INTS11: variants seen among roughly 807,000 people sequenced by gnomAD.
The protein encoded by INTS11 is integrator complex subunit 11.
Under a neutral mutation model 78.6 loss-of-function variants are expected in INTS11, and 77 were observed. The ratio of observed to expected loss-of-function variants is 0.98; its 90% CI spans 0.81 to 1.18. The LOEUF (loss-of-function observed/expected upper bound fraction) is 1.18, where lower values mean the gene tolerates loss of function less well. Among genes scored for constraint, INTS11 ranks in the 50% most tolerant of loss-of-function variants. The probability of loss-of-function intolerance (pLI) is 0.00; values close to 1 mark genes in which losing one functional copy is unlikely to be tolerated. For missense variants in INTS11, 875 were observed against 825.9 expected (o/e 1.06, Z -0.73); for synonymous variants, 441 against 326.9 (o/e 1.35, Z -3.77).
At chr1:1,323,121 G>GGGTGTTCACAGCAC in intron 1 of INTS11, 1 of 1,544,988 alleles carries the variant, frequency 6.5e-7, no homozygotes, top group Non-Finnish European at 8.7e-7. Context: ...CACAGGCCAG[G>GGGTGTTCACAGCAC]GGTGTTCACA....
chr1:1,313,742 G>A lies in INTS11; in HGVS notation c.947C>T (p.Pro316Leu). 6.2e-7 allele frequency: 1 copy of A among 1,612,986 alleles called. No homozygotes were observed. ...KAFDRAFADN[P>L]GPMVVFATPG... ...TGCCGCGGGCCTCACCATCGGTCCT[G>A]GGTTGTCAGCAAAAGCCCGGTCGAA... The change falls in exon 9 of 17, where the codon CCA becomes CTA. Residue 316 changes from proline (P) to leucine (L), a missense_variant. Pro to Leu is a moderately conservative substitution (Grantham distance 98). Coordinates refer to ENST00000435064, the MANE Select transcript of INTS11 (RefSeq NM_017871.6).
intron 6 of INTS11, 117 bp from the exon 7 acceptor site, chr1:1,315,079 T>TCTTTCCAGCCAGA: frequency 7.7e-7 from 1 of 1,306,446 alleles, no homozygotes; most frequent in Non-Finnish European, 1.1e-6. Flanking sequence ...TCACTCTGGC[T>TCTTTCCAGCCAGA]GGAAAGAGCC....
Position 1,324,576 on chromosome 1 carries a change from C to T in INTS11, c.28+5G>A, listed in dbSNP as rs1164321473. The T allele has an allele frequency of 6.3e-7, 1 of 1,591,284 alleles. No homozygotes were observed. The highest frequency in any genetic ancestry group is 8.5e-7 in the Non-Finnish European group (1 of 1,171,140). ...CCCACAGCCCTCCCGGCGGCTCCCACTCACCCAAGGGCGTGACTCTGATCT... is the reference window on the plus strand; with the variant it reads ...CCCACAGCCCTCCCGGCGGCTCCCATTCACCCAAGGGCGTGACTCTGATCT... On this transcript the variant is annotated splice_donor_5th_base_variant and intron_variant, in intron 1 of 16. Coordinates refer to ENST00000435064, the MANE Select transcript of INTS11 (RefSeq NM_017871.6).
At chr1:1,321,437 C>A (rs1642941239) in intron 1 of INTS11, among the ~76,000 whole-genome samples, 2 of 152,256 alleles carry the variant, frequency 1.3e-5, no homozygotes, top group South Asian at 4.1e-4. Flanking sequence ...GGGGCCAACA[C>A]CTCGGTCAGA....
At position 1,321,030 on chromosome 1, in the gene INTS11, A is replaced by G. The variant is rs1201212657; in HGVS notation, c.92T>C (p.Leu31Pro). 6 of 1,613,142 alleles carry G rather than the reference A, an allele frequency of 3.7e-6. No homozygotes were observed. In the South Asian group the frequency reaches 5.5e-5, roughly 15 times the overall value. The part of the protein sequence containing the change: ...LVSIAGKNVM[L>P]DCGMHMGFND... ...GAAGCCCATGTGCATTCCACAGTCC[A>G]GCATGACATTCTTGCCCGCAATGGA... Residue 31 changes from leucine (L) to proline (P), a missense_variant, in exon 2 of 17, where the codon CTG (leucine) becomes CCG (proline). Transcript: ENST00000435064.
At chr1:1,323,239 C>A (rs1557645646) in intron 1 of INTS11, 2 of 1,550,106 alleles carry the variant, frequency 1.3e-6, no homozygotes, top group Non-Finnish European at 1.7e-6. Context: ...TGCCCTCGAC[C>A]CCCTGCCCGG....
rs772577237 is a variant in INTS11, at chr1:1,311,880, G to A, written c.1782C>T (p.Gly594=). The A allele has an allele frequency of 1.9e-5, 29 of 1,564,448 alleles. No homozygotes were observed. The East Asian group carries it at 6.1e-4, about 33-fold the overall frequency. ...GGCCTCAGCTGGGGGCCTGGGGGAG[G>A]CCCTTCTTCAGCAGAGATGTGAGGA... ...GSFLTSLLKK[G]LPQAPS Residue 594 remains glycine (G), a synonymous_variant, in exon 17 of 17, where the codon GGC becomes GGT. Transcript: ENST00000435064.
chr1:1,317,228 TA>T (rs1452221458), intron 4 of INTS11: 3 of 149,250 alleles, frequency 2.0e-5, no homozygotes, highest in Non-Finnish European at 3.0e-5. Flanking sequence ...CCGTCTCTAC[TA>T]AAAAAAAATA....
At chr1:1,317,862 A>C (rs1642709948) in intron 4 of INTS11, 1 of 152,152 alleles carries the variant, frequency 6.6e-6, no homozygotes, top group Non-Finnish European at 1.5e-5. Flanking sequence ...GCAGGCAAAT[A>C]AATTTTTTTT....
intron 8 of INTS11, 46 bp from the exon 9 acceptor site, chr1:1,313,967 G>A: frequency 1.3e-6 from 2 of 1,580,926 alleles, no homozygotes; most frequent in Non-Finnish European, 8.6e-7. Flanking sequence ...AGGGGAGAAT[G>A]CTGCAGGGCA....
chr1:1,319,124 G>C, intron 4 of INTS11, 172 bp downstream of exon 4: 1 of 787,862 alleles, frequency 1.3e-6, no homozygotes, highest in Non-Finnish European at 2.3e-6. Flanking sequence ...TCTGGGACCC[G>C]CATCCTCGCG....
chr1:1,321,369 A>G (rs1642937083), intron 1 of INTS11, among the ~76,000 whole-genome samples: 1 of 152,176 alleles, frequency 6.6e-6, no homozygotes, highest in Non-Finnish European at 1.5e-5. Flanking sequence ...CCTGCTGGCT[A>G]AGTAGTGGGC....
Position 1,314,475 on chromosome 1 carries a change from T to TCTCATC in INTS11, c.703-111_703-110insGATGAG. ...CAAGAGCTGCGGCCTCATAGGGACC[T>TCTCATC]TAGCCTCTCATCTGCTCCCAGTCCC... On this transcript the variant is annotated intron_variant, in intron 7 of 16. Transcript: ENST00000435064. This position sits in a 1 kb window ranked among gnomAD's most constrained non-coding sequence, Gnocchi z 4.2. 1.0e-6 allele frequency: 1 copy of TCTCATC among 957,570 alleles called. No individual in the cohort carries two copies. The highest frequency in any genetic ancestry group is 1.6e-6 in the Non-Finnish European group (1 of 644,084). The allele number at this position is 957,570 out of a possible 1,614,324, so 59.3% of individuals were successfully genotyped here. A position where few individuals can be genotyped will look rare whatever the true frequency, so the allele number is the denominator to read the frequency against.
At chr1:1,322,124 C>T (rs1358677074) in intron 1 of INTS11, 1 of 481,584 alleles carries the variant, frequency 2.1e-6, no homozygotes, top group Non-Finnish European at 3.5e-6. Context: ...CACAGAGGCC[C>T]TCTGGCACCT....
chr1:1,322,013 C>A, intron 1 of INTS11: 1 of 1,316,404 alleles, frequency 7.6e-7, no homozygotes, highest in South Asian at 2.1e-5. Flanking sequence ...CTCAGGTTCT[C>A]TTCCAGGCCT....
Position 1,313,552 on chromosome 1 carries a change from G to A in INTS11, c.998C>T (p.Ser333Phe). The A allele has an allele frequency of 6.2e-7, 1 of 1,612,996 alleles. No individual in the cohort carries two copies. Among genetic ancestry groups the A allele is most frequent in the Non-Finnish European group, 8.5e-7 (1 of 1,180,018 alleles). ...ATPGMLHAGQ[S>F]LQIFRKWAGN... ...GGCCCATTTCCGGAAGATCTGCAGG[G>A]ACTGCCCAGCGTGCAGCATTCCTGG... The change falls in exon 10 of 17, where the codon TCC becomes TTC. Residue 333 changes from serine to phenylalanine, a missense_variant. Coordinates refer to ENST00000435064, the MANE Select transcript of INTS11 (RefSeq NM_017871.6).
In INTS11 at chr1:1,312,213, G is replaced by GGCCCCCCCCCCCCCCCCCC; in HGVS notation, c.1607+12_1607+13insGGGGGGGGGGGGGGGGGGC. 8 of 934,494 alleles carry GGCCCCCCCCCCCCCCCCCC rather than the reference G, an allele frequency of 8.6e-6. No individual in the cohort carries two copies. Among genetic ancestry groups the GGCCCCCCCCCCCCCCCCCC allele is most frequent in the Non-Finnish European group, 1.1e-5 (7 of 636,566 alleles). 57.9% of individuals were successfully genotyped at this position (934,494 alleles called of 1,614,324 possible). On this transcript the variant is annotated intron_variant, in intron 15 of 16. Transcript: ENST00000435064. ...CCCAAGGGAGTGGGGGGGGGGCGGG[G>GGCCCCCCCCCCCCCCCCCC]CCGGGCGCCCACCTCTTGAGGTGGC...
rs1034715363 is a variant in INTS11, at chr1:1,312,799, C to T, written c.1282G>A (p.Glu428Lys). 13 of 1,608,590 alleles carry T rather than the reference C, an allele frequency of 8.1e-6. No homozygotes were observed. Among genetic ancestry groups the T allele is most frequent in the South Asian group, 2.2e-5 (2 of 90,974 alleles). Residue 428 changes from glutamate (E) to lysine (K), a missense_variant, in exon 12 of 17, where the codon GAG (glutamate) becomes AAG (lysine). Glu to Lys is a moderately conservative substitution (Grantham distance 56). Transcript: ENST00000435064. Reference sequence around the variant, plus strand: ...CCCGGCTGCCTACGGAGCTCCTGCTCGATCTTCTGCTTCAGGAACTCCATC... The same window carrying T: ...CCCGGCTGCCTACGGAGCTCCTGCTTGATCTTCTGCTTCAGGAACTCCATC... ...KKMEFLKQKI[E>K]QELRVNCYMP...
chr1:1,321,757 G>A, intron 1 of INTS11: 2 of 495,126 alleles, frequency 4.0e-6, no homozygotes, highest in Non-Finnish European at 6.9e-6. Context: ...CTGCCCAGCT[G>A]CTCCAGCCAG....
Sources: gnomAD v4.1 joint callset for allele counts (sites outside exome capture counted in the v4.1 genomes callset) on GRCh38, gnomAD v4.1.1 for gene constraint, Gnocchi (gnomAD v3.1) non-coding constraint, MANE v1.5 for transcripts, NCBI Gene and HGNC (gene_info 2026-07-23, HGNC 2026-07-21) for gene names.